MBOAT2: variants seen among roughly 807,000 people sequenced by gnomAD.
MBOAT2 encodes membrane-bound glycerophospholipid O-acyltransferase 2.
A neutral mutation model predicts 63.4 loss-of-function variants in MBOAT2; 28 were observed. The ratio of observed to expected loss-of-function variants is 0.44; its 90% CI spans 0.33 to 0.61. The LOEUF is 0.61. Among genes scored for constraint, MBOAT2 ranks in the 20% least tolerant of loss-of-function variants. MBOAT2 has a pLI of 0.03. For missense variants in MBOAT2, 470 were observed against 605.8 expected (o/e 0.78, Z 2.35); for synonymous variants, 211 against 215.6 (o/e 0.98, Z 0.19).
At chr2:8,948,262 A>G (rs1296459504) in intron 2 of MBOAT2, among the ~76,000 whole-genome samples, 7 of 152,236 alleles carry the variant, frequency 4.6e-5, no homozygotes, top group Non-Finnish European at 1.0e-4. Flanking sequence ...TGGATGAGCA[A>G]AGAAAGTGAT....
chr2:8,963,981 G>A (rs886350363), intron 1 of MBOAT2, among the ~76,000 whole-genome samples: 3 of 152,154 alleles, frequency 2.0e-5, no homozygotes, highest in African/African-American at 7.2e-5. Context: ...CCTTACTCCA[G>A]AGCCCATGCT....
intron 3 of MBOAT2, among the ~76,000 whole-genome samples, chr2:8,920,629 G>T (rs561225480): frequency 6.6e-6 from 1 of 151,426 alleles, no homozygotes; most frequent in Non-Finnish European, 1.5e-5. Context: ...GTGAAGAAAT[G>T]CCATCTTAAC....
intron 1 of MBOAT2, among the ~76,000 whole-genome samples, chr2:8,971,170 G>A (rs1378220842): frequency 6.6e-6 from 1 of 152,188 alleles, no homozygotes; most frequent in Non-Finnish European, 1.5e-5. Flanking sequence ...TATCCACCAT[G>A]ATCAAGTGGG....
intron 1 of MBOAT2, among the ~76,000 whole-genome samples, chr2:8,965,398 A>G (rs536414779): frequency 1.3e-5 from 2 of 152,172 alleles, no homozygotes. Context: ...CTTTAAAAGG[A>G]AACAGCAAGT....
chr2:8,921,409 A>G (rs1473062489), intron 3 of MBOAT2, among the ~76,000 whole-genome samples: 1 of 152,182 alleles, frequency 6.6e-6, no homozygotes, highest in African/African-American at 2.4e-5. Flanking sequence ...TGGCATCTAC[A>G]TATTTTACAA....
chr2:8,870,331 T>C (rs943200165), intron 8 of MBOAT2, among the ~76,000 whole-genome samples: 3 of 152,214 alleles, frequency 2.0e-5, no homozygotes, highest in Admixed American at 1.3e-4. Context: ...AAATATAGTC[T>C]GCCTAGCCAC....
At chr2:8,969,007 C>T (rs2103303868) in intron 1 of MBOAT2, among the ~76,000 whole-genome samples, 1 of 152,244 alleles carries the variant, frequency 6.6e-6, no homozygotes, top group East Asian at 1.9e-4. Context: ...GGCCAACATT[C>T]AAATTCAGGA....
chr2:8,972,416 T>A (rs1244888147), intron 1 of MBOAT2, among the ~76,000 whole-genome samples: 2 of 152,170 alleles, frequency 1.3e-5, no homozygotes, highest in Non-Finnish European at 2.9e-5. Context: ...ATAAAAACCC[T>A]AGAAGAAAAC....
chr2:8,997,884 G>A (rs901406082), intron 1 of MBOAT2, among the ~76,000 whole-genome samples: 1 of 152,170 alleles, frequency 6.6e-6, no homozygotes, highest in African/African-American at 2.4e-5. Context: ...ATGGAATACA[G>A]GGAAACCTAC....
intron 3 of MBOAT2, among the ~76,000 whole-genome samples, chr2:8,910,170 CAGAG>C (rs142090695): frequency 0.026 from 3,975 of 151,964 alleles, 180 homozygotes; most frequent in African/African-American, 0.09. Context: ...CAGAGAAAGA[CAGAG>C]AGAGAGAAAG....
intron 4 of MBOAT2, among the ~76,000 whole-genome samples, chr2:8,904,347 T>C (rs1054949805): frequency 6.6e-6 from 1 of 151,710 alleles, no homozygotes; most frequent in Admixed American, 6.6e-5. Flanking sequence ...GATCTTGCTG[T>C]GTTACCCAGG....
intron 1 of MBOAT2, among the ~76,000 whole-genome samples, chr2:8,987,512 T>C (rs1671653981): frequency 6.6e-6 from 1 of 152,232 alleles, no homozygotes; most frequent in African/African-American, 2.4e-5. Flanking sequence ...ACCTAAAAAG[T>C]ACCCTTGAAT....
chr2:8,904,997 TACAC>T (rs370560826), intron 4 of MBOAT2, among the ~76,000 whole-genome samples: 5 of 151,316 alleles, frequency 3.3e-5, no homozygotes, highest in South Asian at 2.1e-4. Context: ...AATTTACACA[TACAC>T]ACACACACAC....
At chr2:8,989,282 C>T (rs976020761) in intron 1 of MBOAT2, among the ~76,000 whole-genome samples, 3 of 152,176 alleles carry the variant, frequency 2.0e-5, no homozygotes, top group Admixed American at 6.5e-5. Flanking sequence ...AGCCCGTTAA[C>T]GTCAAATGAG....
At chr2:8,874,567 C>T (rs576947478) in intron 7 of MBOAT2, among the ~76,000 whole-genome samples, 2 of 152,064 alleles carry the variant, frequency 1.3e-5, no homozygotes, top group Non-Finnish European at 2.9e-5. Context: ...GGTGCTGCAA[C>T]GAAAATGTAA....
intron 3 of MBOAT2, 59 bp downstream of exon 3, chr2:8,943,128 T>G (rs1668167048): frequency 4.3e-6 from 4 of 933,124 alleles, no homozygotes; most frequent in Non-Finnish European, 6.2e-6. Context: ...AAATTCTATT[T>G]TGATGCAGTT....
At chr2:8,865,571 T>A (rs908313502) in intron 9 of MBOAT2, among the ~76,000 whole-genome samples, 3 of 152,220 alleles carry the variant, frequency 2.0e-5, no homozygotes, top group African/African-American at 7.2e-5. Context: ...TCACTAAATA[T>A]GTTTTACTCT....
Position 8,862,379 on chromosome 2 carries a change from C to G in MBOAT2, c.1185+211G>C. On this transcript the variant is annotated intron_variant, in intron 11 of 12. Transcript: ENST00000305997. This position sits in a 1 kb window ranked among gnomAD's most constrained non-coding sequence, Gnocchi z 4.3. The stretch of plus-strand genomic sequence containing the variant: ...CTCCTACCTGCCGGGCACATAGAAA[C>G]GTGTTTTCTCCTCACAGGAACTGGG... 1 of 1,426,506 alleles carries G rather than the reference C, an allele frequency of 7.0e-7. No homozygotes were observed. The highest frequency in any genetic ancestry group is 9.4e-7 in the Non-Finnish European group (1 of 1,067,280). 88.4% of individuals were successfully genotyped at this position (1,426,506 alleles called of 1,614,324 possible).
chr2:9,000,207 T>C (rs1485632698), intron 1 of MBOAT2, among the ~76,000 whole-genome samples: 1 of 152,222 alleles, frequency 6.6e-6, no homozygotes, highest in African/African-American at 2.4e-5. Context: ...ACATACCAAA[T>C]TAACATACTA....
Sources: gnomAD v4.1 joint callset for allele counts (sites outside exome capture counted in the v4.1 genomes callset) on GRCh38, gnomAD v4.1.1 for gene constraint, Gnocchi (gnomAD v3.1) non-coding constraint, MANE v1.5 for transcripts, NCBI Gene and HGNC (gene_info 2026-07-23, HGNC 2026-07-21) for gene names.